Variants in TNIP3 observed in about 807,000 individuals in gnomAD.
TNIP3 encodes TNFAIP3 interacting protein 3.
A neutral mutation model predicts 54.1 loss-of-function variants in TNIP3; 34 were observed. The observed-to-expected ratio is 0.63, with a 90% CI of 0.48 to 0.84. The LOEUF is 0.84. Among genes scored for constraint, TNIP3 ranks in the 40% least tolerant of loss-of-function variants. The pLI is 0.00. For missense variants in TNIP3, 366 were observed against 387.6 expected (o/e 0.94, Z 0.47); for synonymous variants, 134 against 136.8 (o/e 0.98, Z 0.14).
chr4:121,226,891 G>T (rs1011892289), intron 1 of TNIP3, among the ~76,000 whole-genome samples: 1 of 152,066 alleles, frequency 6.6e-6, no homozygotes, highest in Non-Finnish European at 1.5e-5. Flanking sequence ...TGAAGAACAC[G>T]GTGAAAAATG....
intron 2 of TNIP3, among the ~76,000 whole-genome samples, chr4:121,202,783 T>A (rs371454095): frequency 6.6e-6 from 1 of 151,978 alleles, no homozygotes; most frequent in South Asian, 2.1e-4. Flanking sequence ...GAATAGATAA[T>A]TCCCAAAAGA....
chr4:121,147,497 A>G (rs559066099), intron 6 of TNIP3, among the ~76,000 whole-genome samples: 42 of 152,366 alleles, frequency 2.8e-4, no homozygotes, highest in African/African-American at 9.1e-4. Flanking sequence ...GGAAAAGCAA[A>G]GCATGATTGT....
At chr4:121,193,656 C>A (rs888356766) in intron 2 of TNIP3, among the ~76,000 whole-genome samples, 2 of 152,000 alleles carry the variant, frequency 1.3e-5, no homozygotes, top group African/African-American at 4.8e-5. Flanking sequence ...CATACTCCTA[C>A]CACCAAGTAT....
intron 2 of TNIP3, among the ~76,000 whole-genome samples, chr4:121,186,667 C>T (rs1725040106): frequency 6.6e-6 from 1 of 152,146 alleles, no homozygotes; most frequent in African/African-American, 2.4e-5. Context: ...AGGCATGCCA[C>T]AGATGCTCAG....
intron 2 of TNIP3, among the ~76,000 whole-genome samples, chr4:121,207,750 T>C (rs577126588): frequency 6.6e-6 from 1 of 152,336 alleles, no homozygotes; most frequent in Admixed American, 6.5e-5. Context: ...AAGCTGACCT[T>C]ATTCACTCCT....
intron 10 of TNIP3, among the ~76,000 whole-genome samples, chr4:121,133,532 A>G (rs1511093): frequency 0.048 from 7,375 of 152,188 alleles, 614 homozygotes; most frequent in African/African-American, 0.17. Context: ...CACTAATGAT[A>G]CCTCTCCCTA....
At chr4:121,202,412 C>G (rs1307788408) in intron 2 of TNIP3, among the ~76,000 whole-genome samples, 1 of 152,078 alleles carries the variant, frequency 6.6e-6, no homozygotes, top group Non-Finnish European at 1.5e-5. Context: ...CAAAAATCAA[C>G]TCAAGATGGA....
chr4:121,137,780 C>A (rs979689398), intron 10 of TNIP3: 5 of 344,554 alleles, frequency 1.5e-5, no homozygotes, highest in Non-Finnish European at 2.9e-5. Context: ...TGAAATTAGA[C>A]TACATAGCTC....
exon 1 of TNIP3, chr4:121,216,611 G>T: frequency 2.0e-6 from 3 of 1,483,228 alleles, no homozygotes; most frequent in Non-Finnish European, 2.7e-6. Context: ...TTCATCAAAA[G>T]CCATGTTTTT....
At chr4:121,218,335 T>C (rs530330464), upstream of TNIP3, among the ~76,000 whole-genome samples, 38 of 152,292 alleles carry the variant, frequency 2.5e-4, 1 homozygote, top group Non-Finnish European at 3.1e-4. Flanking sequence ...ACAGACAAGA[T>C]GGAAATGGTC....
intron 3 of TNIP3, among the ~76,000 whole-genome samples, chr4:121,157,695 A>G (rs984429015): frequency 1.3e-5 from 2 of 152,200 alleles, no homozygotes; most frequent in Non-Finnish European, 2.9e-5. Flanking sequence ...ACCTCCTACT[A>G]GGTGCCAAAT....
chr4:121,212,029 G>C (rs943531757), intron 2 of TNIP3, among the ~76,000 whole-genome samples: 18 of 152,112 alleles, frequency 1.2e-4, no homozygotes, highest in Non-Finnish European at 2.2e-4. Flanking sequence ...GTTGATTCTT[G>C]GGAAAATTCT....
chr4:121,191,089 T>G (rs894506868), intron 2 of TNIP3, among the ~76,000 whole-genome samples: 2 of 152,190 alleles, frequency 1.3e-5, no homozygotes, highest in South Asian at 2.1e-4. Context: ...TGTTTTTGTT[T>G]TTGTTGTTGT....
At chr4:121,165,910 G>T (rs112243280), upstream of TNIP3, among the ~76,000 whole-genome samples, 3,855 of 152,174 alleles carry the variant, frequency 0.025, 159 homozygotes, top group African/African-American at 0.087. Context: ...CTGCTCATCA[G>T]AAAAGAAAAA....
rs1415573617 is a variant in TNIP3 at position 121,223,026 on chromosome 4, C to T, written c.3+4359G>A. 2.0e-5 allele frequency among the ~76,000 whole-genome samples: 3 copies of T among 152,114 alleles called. No homozygotes were observed. In the South Asian group the frequency reaches 6.2e-4, roughly 31 times the overall value. On this transcript the variant is annotated intron_variant, in intron 1 of 12. Coordinates refer to the TNIP3 transcript ENST00000509841. ...TTCACCGTGTTAGCCAGGATGGTCT[C>T]GATCTCCTGACCTCGTGATCCGCCC...
intron 2 of TNIP3, chr4:121,182,898 T>C: frequency 1.2e-5 from 14 of 1,169,750 alleles, no homozygotes; most frequent in Non-Finnish European, 1.7e-5. Flanking sequence ...TATTTATGTA[T>C]GATACTTCTC....
chr4:121,209,920 A>G (rs1327582068), intron 2 of TNIP3, among the ~76,000 whole-genome samples: 1 of 152,190 alleles, frequency 6.6e-6, no homozygotes, highest in Non-Finnish European at 1.5e-5. Context: ...CTAGTAATGT[A>G]TAGAGTTTTG....
In TNIP3 at chr4:121,216,358, G is replaced by A. The variant is rs1726790817; in HGVS notation, c.68+57C>T. The A allele has an allele frequency of 4.4e-6, 6 of 1,371,040 alleles. No homozygotes were observed. The Admixed American group carries it at 1.2e-4, about 27-fold the overall frequency. The allele number at this position is 1,371,040 out of a possible 1,614,324, so 84.9% of individuals were successfully genotyped here. ...ACTATCATTGCCACAAAGCAGAAGT[G>A]CTCTAATTAGAATATTAGTATTAGA... On this transcript the variant is annotated intron_variant, in intron 2 of 12. Coordinates refer to the TNIP3 transcript ENST00000507879.
At chr4:121,155,942 A>G (rs1424683528) in intron 4 of TNIP3, among the ~76,000 whole-genome samples, 2 of 152,218 alleles carry the variant, frequency 1.3e-5, no homozygotes, top group Non-Finnish European at 1.5e-5. Flanking sequence ...CACTTAGAAA[A>G]TAAGCCAATT....
Sources: gnomAD v4.1 joint callset for allele counts (sites outside exome capture counted in the v4.1 genomes callset) on GRCh38, gnomAD v4.1.1 for gene constraint, MANE v1.5 for transcripts, NCBI Gene and HGNC (gene_info 2026-07-23, HGNC 2026-07-21) for gene names.